Variants in TANC2 observed in about 807,000 individuals in gnomAD.
TANC2 encodes protein TANC2.
Under a neutral mutation model 210.5 loss-of-function variants are expected in TANC2, and 26 were observed. The ratio of observed to expected loss-of-function variants is 0.12; its 90% CI spans 0.09 to 0.17. TANC2 has a LOEUF of 0.17. Among genes scored for constraint, TANC2 ranks in the 10% least tolerant of loss-of-function variants. The probability of loss-of-function intolerance (pLI) is 1.00; values close to 1 mark genes in which losing one functional copy is unlikely to be tolerated. For missense variants in TANC2, 2,129 were observed against 2,608.9 expected, an observed-to-expected ratio of 0.82 and a Z score of 4.01; for synonymous variants, 931 against 967.1, an observed-to-expected ratio of 0.96 and a Z score of 0.69.
intron 9 of TANC2, among the ~76,000 whole-genome samples, chr17:63,284,754 A>C (rs949539731): frequency 6.6e-6 from 1 of 152,096 alleles, no homozygotes; most frequent in Non-Finnish European, 1.5e-5. Flanking sequence ...CAAATAGGTC[A>C]AATTGTTTTT....
chr17:63,264,797 T>TAATTTTAAAA (rs1178521341), intron 8 of TANC2, among the ~76,000 whole-genome samples: 2 of 152,066 alleles, frequency 1.3e-5, no homozygotes, highest in African/African-American at 4.8e-5. Flanking sequence ...CTACAAATAG[T>TAATTTTAAAA]AATTTTAAAA....
chr17:63,177,439 T>C (rs986373482), intron 5 of TANC2, among the ~76,000 whole-genome samples: 8 of 151,730 alleles, frequency 5.3e-5, no homozygotes, highest in Non-Finnish European at 2.9e-5. Flanking sequence ...GGAAAATGAC[T>C]AAGAGAATGC....
chr17:63,223,734 T>TA (rs2042256225), intron 7 of TANC2, among the ~76,000 whole-genome samples: 1 of 151,638 alleles, frequency 6.6e-6, no homozygotes, highest in Non-Finnish European at 1.5e-5. Context: ...GGCAGTGGAG[T>TA]GTCTTTAATA....
chr17:63,215,615 A>C (rs1257161901), intron 7 of TANC2, among the ~76,000 whole-genome samples: 2 of 152,210 alleles, frequency 1.3e-5, no homozygotes, highest in South Asian at 2.1e-4. Flanking sequence ...ACCCTAAATG[A>C]TGGGGTACAG....
intron 1 of TANC2, among the ~76,000 whole-genome samples, chr17:62,983,247 T>C (rs1411148288): frequency 1.3e-5 from 2 of 152,088 alleles, no homozygotes; most frequent in Non-Finnish European, 2.9e-5. Context: ...TTTTAGCTAG[T>C]TTATTGTTTG....
chr17:62,987,663 A>G (rs926618911), intron 1 of TANC2, among the ~76,000 whole-genome samples: 3 of 152,056 alleles, frequency 2.0e-5, no homozygotes, highest in African/African-American at 7.2e-5. Flanking sequence ...GAGGCTGGGT[A>G]CCTCCATGCT....
At chr17:63,415,016 T>G (rs995994061) in intron 25 of TANC2, among the ~76,000 whole-genome samples, 4 of 152,204 alleles carry the variant, frequency 2.6e-5, no homozygotes, top group Non-Finnish European at 5.9e-5. Flanking sequence ...GCCATGAGAT[T>G]AGGGAAGCAA....
intron 5 of TANC2, chr17:63,153,892 C>CA (rs2039747031): frequency 6.6e-6 from 1 of 152,042 alleles, no homozygotes; most frequent in South Asian, 2.1e-4. Flanking sequence ...TGTTGTCCTG[C>CA]ATGTAAAAGG....
At chr17:63,070,305 A>G (rs1346191989) in intron 2 of TANC2, among the ~76,000 whole-genome samples, 1 of 152,198 alleles carries the variant, frequency 6.6e-6, no homozygotes, top group Non-Finnish European at 1.5e-5. Flanking sequence ...GAAGATTGAG[A>G]TGTAACATGT....
chr17:63,356,109 G>A (rs141014066), intron 14 of TANC2, among the ~76,000 whole-genome samples: 57 of 151,450 alleles, frequency 3.8e-4, no homozygotes, highest in African/African-American at 1.4e-3. Flanking sequence ...CGCACAACAG[G>A]ATCACTGATT....
chr17:63,059,135 G>GT (rs966840717), intron 2 of TANC2, among the ~76,000 whole-genome samples: 40 of 151,454 alleles, frequency 2.6e-4, no homozygotes, highest in Middle Eastern at 3.4e-3. Context: ...ATTTTTTTAT[G>GT]TTTTTTTTAA....
intron 7 of TANC2, among the ~76,000 whole-genome samples, chr17:63,229,844 A>G (rs1007286922): frequency 5.4e-5 from 8 of 148,894 alleles, no homozygotes; most frequent in Admixed American, 2.7e-4. Context: ...ATCTCAGCTC[A>G]CTACAACCTC....
chr17:63,264,503 TC>T (rs1363406578), intron 8 of TANC2, among the ~76,000 whole-genome samples: 2 of 152,164 alleles, frequency 1.3e-5, no homozygotes, highest in African/African-American at 4.8e-5. Flanking sequence ...GTGTTTCACC[TC>T]GCCTTTGCAA....
At chr17:63,226,409 C>T (rs1356430925) in intron 7 of TANC2, among the ~76,000 whole-genome samples, 1 of 152,154 alleles carries the variant, frequency 6.6e-6, no homozygotes, top group African/African-American at 2.4e-5. Flanking sequence ...CTGATCTGGA[C>T]TCTGTCTCCT....
intron 5 of TANC2, among the ~76,000 whole-genome samples, chr17:63,190,174 A>C (rs2041135322): frequency 6.6e-6 from 1 of 152,048 alleles, no homozygotes. Flanking sequence ...ATCTCTACAA[A>C]AAAATTTTTA....
chr17:62,970,751 A>G (rs1013429924), intron 1 of TANC2, among the ~76,000 whole-genome samples: 1 of 152,196 alleles, frequency 6.6e-6, no homozygotes, highest in Non-Finnish European at 1.5e-5. Context: ...TGGGCACACT[A>G]GCTGAATATT....
chr17:63,170,078 CACTGCACTCCA>C (rs2040351119), intron 5 of TANC2, among the ~76,000 whole-genome samples: 1 of 150,242 alleles, frequency 6.7e-6, no homozygotes, highest in Non-Finnish European at 1.5e-5. Context: ...GAGATCGCGC[CACTGCACTCCA>C]ACTGCACTCC....
chr17:63,233,547 C>T (rs2042539789), intron 7 of TANC2, among the ~76,000 whole-genome samples: 1 of 152,214 alleles, frequency 6.6e-6, no homozygotes, highest in South Asian at 2.1e-4. Flanking sequence ...TGGCTCACGC[C>T]AACTGCCTAG....
rs375178170 is a variant in TANC2, at chr17:63,227,754, T to A, written c.770-10060T>A. Among the ~76,000 whole-genome samples, 3 of 152,318 alleles carry A rather than the reference T, an allele frequency of 2.0e-5. No individual in the cohort carries two copies. In the East Asian group the frequency reaches 5.8e-4, roughly 29 times the overall value. ...TATTGTTTTGGGTTTTACATTTAAG[T>A]CTTTAATTCATCTTGTTAATTTTTG... is the stretch of plus-strand genomic sequence containing the variant. On this transcript the variant is annotated intron_variant, in intron 7 of 27. Coordinates refer to ENST00000689528, the Ensembl canonical transcript of TANC2.
Sources: gnomAD v4.1 joint callset for allele counts (sites outside exome capture counted in the v4.1 genomes callset) on GRCh38, gnomAD v4.1.1 for gene constraint, MANE v1.5 for transcripts, NCBI Gene and HGNC (gene_info 2026-07-23, HGNC 2026-07-21) for gene names.